CACUL1: variants seen among roughly 807,000 people sequenced by gnomAD.
CACUL1 encodes CDK2-associated and cullin domain-containing protein 1.
In CACUL1, 13 loss-of-function variants were observed where a neutral mutation model predicts 45.2. That is an observed-to-expected ratio of 0.29 (90% CI 0.19 to 0.46). CACUL1 has a LOEUF of 0.46. Among genes scored for constraint, CACUL1 ranks in the 20% least tolerant of loss-of-function variants. The probability of loss-of-function intolerance (pLI) is 1.00; values close to 1 mark genes in which losing one functional copy is unlikely to be tolerated. For missense variants in CACUL1, 421 were observed against 471.4 expected (o/e 0.89, Z 0.99); for synonymous variants, 197 against 174.2 (o/e 1.13, Z -1.03).
intron 1 of CACUL1, among the ~76,000 whole-genome samples, chr10:118,747,192 G>C (rs1845850947): frequency 6.6e-6 from 1 of 152,154 alleles, no homozygotes; most frequent in South Asian, 2.1e-4. Flanking sequence ...CCCTGGTGGG[G>C]ACCGATGCTC....
rs992974718 is a variant in CACUL1, at chr10:118,754,647, G to A, written c.116C>T (p.Pro39Leu). Reference sequence around the variant, plus strand: ...GGCCGGGATCGACGAGGGGGGCGGCGGAGGTGGCAGGGGCTGCCGGAAGCC... The same window carrying A: ...GGCCGGGATCGACGAGGGGGGCGGCAGAGGTGGCAGGGGCTGCCGGAAGCC... ...VDGFRQPLPP[P>L]PPPSSIPAPA... is the part of the protein sequence containing the mutation. The change falls in exon 1 of 9, where the codon CCG (proline) becomes CTG (leucine). Residue 39 changes from proline to leucine, a missense_variant. Pro to Leu is a moderately conservative substitution (Grantham distance 98, BLOSUM62 -3). Coordinates refer to ENST00000369151, the MANE Select transcript of CACUL1 (RefSeq NM_153810.5). The A allele has an allele frequency of 1.9e-6, 3 of 1,606,088 alleles. No individual in the cohort carries two copies. Among genetic ancestry groups the A allele is most frequent in the Non-Finnish European group, 1.7e-6 (2 of 1,177,174 alleles).
intron 1 of CACUL1, among the ~76,000 whole-genome samples, chr10:118,743,412 T>G (rs1315316647): frequency 1.3e-5 from 2 of 151,856 alleles, no homozygotes; most frequent in Non-Finnish European, 2.9e-5. Context: ...ATTTTAAAAG[T>G]ACCCAGGAAA....
intron 3 of CACUL1, among the ~76,000 whole-genome samples, chr10:118,723,299 T>C (rs1040551600): frequency 2.0e-5 from 3 of 152,166 alleles, no homozygotes; most frequent in Non-Finnish European, 4.4e-5. Context: ...TAGTTGAAAA[T>C]AAAGTAGTGC....
In CACUL1 at chr10:118,689,149, C is replaced by T. The variant is rs576817261; in HGVS notation, c.1025+2116G>A. On this transcript the variant is annotated intron_variant, in intron 7 of 8. Coordinates refer to ENST00000369151, the MANE Select transcript of CACUL1 (RefSeq NM_153810.5). ...CCTTTTCTGGGGGCATCAGTAGACA[C>T]CACTTCTTCTAAAATATTATTCCTA... Among the ~76,000 whole-genome samples, 4 of 152,322 alleles carry T rather than the reference C, an allele frequency of 2.6e-5. No homozygotes were observed. The East Asian group carries it at 7.7e-4, about 29-fold the overall frequency.
intron 5 of CACUL1, among the ~76,000 whole-genome samples, chr10:118,700,665 C>T (rs1239398021): frequency 7.0e-6 from 1 of 142,628 alleles, no homozygotes; most frequent in Non-Finnish European, 1.5e-5. Flanking sequence ...TGCAGTGAGC[C>T]GAGATCACAC....
intron 4 of CACUL1, among the ~76,000 whole-genome samples, chr10:118,702,007 C>A (rs1407296348): frequency 6.6e-6 from 1 of 152,204 alleles, no homozygotes; most frequent in African/African-American, 2.4e-5. Context: ...TGCATGTATA[C>A]ATCCAGATGG....
In CACUL1 at chr10:118,754,418, G is replaced by A. The variant is rs746483870; in HGVS notation, c.345C>T (p.Ile115=). The A allele has an allele frequency of 6.3e-7, 1 of 1,588,002 alleles. No homozygotes were observed. The change falls in exon 1 of 9, where the codon ATC becomes ATT. Residue 115 remains isoleucine, a synonymous_variant. Transcript: ENST00000369151. ...CACAGAACTTGGAGGTGGAGGTGTT[G>A]ATGTTGATGGTGGAGCTGGCGGTGG... ...PAPTASSTIN[I]NTSTSKFLMN... is the part of the protein sequence containing the mutation.
chr10:118,740,221 A>G (rs1845779642), intron 1 of CACUL1, among the ~76,000 whole-genome samples: 1 of 152,182 alleles, frequency 6.6e-6, no homozygotes, highest in Non-Finnish European at 1.5e-5. Flanking sequence ...ACTAACAACA[A>G]CATTCTATGT....
chr10:118,731,381 C>T (rs889257830), intron 1 of CACUL1, among the ~76,000 whole-genome samples: 9 of 152,216 alleles, frequency 5.9e-5, no homozygotes, highest in Non-Finnish European at 1.3e-4. Context: ...CTTTTTATCA[C>T]ATTATCGATT....
chr10:118,739,027 G>T (rs745460815), intron 1 of CACUL1, among the ~76,000 whole-genome samples: 1 of 151,186 alleles, frequency 6.6e-6, no homozygotes, highest in African/African-American at 2.4e-5. Flanking sequence ...AACCTGGTCT[G>T]TACTAAAAAT....
At chr10:118,694,199 C>G (rs1377361255) in intron 6 of CACUL1, among the ~76,000 whole-genome samples, 2 of 152,176 alleles carry the variant, frequency 1.3e-5, no homozygotes, top group African/African-American at 4.8e-5. Context: ...CTACCAGTAC[C>G]AGTTTTCACT....
intron 1 of CACUL1, among the ~76,000 whole-genome samples, chr10:118,733,253 C>A (rs903255079): frequency 3.3e-5 from 5 of 152,194 alleles, no homozygotes; most frequent in East Asian, 3.9e-4. Context: ...TTTTAAATAT[C>A]TTTGAAAAGA....
intron 3 of CACUL1, among the ~76,000 whole-genome samples, chr10:118,714,943 C>G (rs1468596427): frequency 6.6e-6 from 1 of 152,160 alleles, no homozygotes; most frequent in African/African-American, 2.4e-5. Flanking sequence ...CCTCAAAACA[C>G]ACACACTTTA....
chr10:118,750,976 A>G (rs1255331015), intron 1 of CACUL1, among the ~76,000 whole-genome samples: 3 of 152,232 alleles, frequency 2.0e-5, no homozygotes, highest in Admixed American at 6.5e-5. Context: ...TTTGTTTTAC[A>G]AACAATCCAA....
At chr10:118,710,249 A>C (rs1400762705) in intron 3 of CACUL1, among the ~76,000 whole-genome samples, 1 of 152,036 alleles carries the variant, frequency 6.6e-6, no homozygotes, top group Non-Finnish European at 1.5e-5. Context: ...TAGTCCTTCT[A>C]ACTGCCTATA....
intron 3 of CACUL1, chr10:118,726,430 A>G: frequency 1.4e-6 from 1 of 710,254 alleles, no homozygotes; most frequent in Non-Finnish European, 2.0e-6. Flanking sequence ...GACAAACACG[A>G]TAGAGTCCCT....
At chr10:118,738,023 G>A (rs1425893419) in intron 1 of CACUL1, among the ~76,000 whole-genome samples, 1 of 152,192 alleles carries the variant, frequency 6.6e-6, no homozygotes, top group African/African-American at 2.4e-5. Context: ...AAAATTTCAT[G>A]GTGTCTTCCA....
At chr10:118,741,657 T>C (rs1328583915) in intron 1 of CACUL1, among the ~76,000 whole-genome samples, 5 of 152,338 alleles carry the variant, frequency 3.3e-5, no homozygotes, top group Admixed American at 2.0e-4. Context: ...TAAAATTGTA[T>C]TTGTTCAATC....
chr10:118,693,240 T>C (rs1045173415), intron 6 of CACUL1: 3 of 153,892 alleles, frequency 1.9e-5, no homozygotes, highest in African/African-American at 7.2e-5. Context: ...TGCGAACTAC[T>C]GCAGTAGAAC....
Sources: gnomAD v4.1 joint callset for allele counts (sites outside exome capture counted in the v4.1 genomes callset) on GRCh38, gnomAD v4.1.1 for gene constraint, MANE v1.5 for transcripts, NCBI Gene and HGNC (gene_info 2026-07-23, HGNC 2026-07-21) for gene names.